Variants in RSU1 observed in about 807,000 individuals in gnomAD.
RSU1 encodes the protein rsu-1.
Under a neutral mutation model 31.1 loss-of-function variants are expected in RSU1, and 26 were observed. The observed-to-expected ratio is 0.84, with a 90% CI of 0.61 to 1.16. The LOEUF (loss-of-function observed/expected upper bound fraction) is 1.16. RSU1 is among the 50% of genes most tolerant of loss of function. The pLI is 0.00. For synonymous variants in RSU1, 164 were observed against 136.3 expected, an observed-to-expected ratio of 1.20 and a Z score of -1.41; for missense variants, 320 against 339.1, an observed-to-expected ratio of 0.94 and a Z score of 0.44.
At chr10:16,695,730 T>C (rs1564320709) in intron 7 of RSU1, among the ~76,000 whole-genome samples, 3 of 152,194 alleles carry the variant, frequency 2.0e-5, no homozygotes. Flanking sequence ...CCTCATTTCA[T>C]TCTCCAGCAA....
At chr10:16,797,288 G>C (rs1449089242) in intron 2 of RSU1, among the ~76,000 whole-genome samples, 2 of 152,204 alleles carry the variant, frequency 1.3e-5, no homozygotes, top group Non-Finnish European at 2.9e-5. Context: ...TAAAAAGAGA[G>C]AGAAAAAGAG....
intron 8 of RSU1, among the ~76,000 whole-genome samples, chr10:16,631,874 T>G (rs1160399130): frequency 6.6e-6 from 1 of 152,150 alleles, no homozygotes; most frequent in Non-Finnish European, 1.5e-5. Context: ...AATGTTGATT[T>G]CATCCATTTT....
At chr10:16,665,437 A>T (rs1234280427) in intron 8 of RSU1, among the ~76,000 whole-genome samples, 4 of 152,198 alleles carry the variant, frequency 2.6e-5, no homozygotes. Context: ...ACCCAAATAC[A>T]CTGTTAAATT....
At chr10:16,693,735 T>A (rs532675629) in intron 8 of RSU1, among the ~76,000 whole-genome samples, 49 of 152,098 alleles carry the variant, frequency 3.2e-4, no homozygotes, top group Admixed American at 1.5e-3. Context: ...GGTGGTGTGC[T>A]CCTGTAGTCC....
rs7900527 is a variant in RSU1 at position 16,815,993 on chromosome 10, C to T, written c.109+980G>A. Among the ~76,000 whole-genome samples, 6 of 152,204 alleles carry T rather than the reference C, an allele frequency of 3.9e-5. No individual in the cohort carries two copies. The South Asian group carries it at 1.0e-3, about 26-fold the overall frequency. ...AAGGTTGTGTTCAGATTCAGAAAGG[C>T]CTTGTACATCACGCCAAGAAACCTG... On this transcript the variant is annotated intron_variant, in intron 2 of 8. Coordinates refer to ENST00000345264, the MANE Select transcript of RSU1 (RefSeq NM_012425.4).
chr10:16,670,284 G>A (rs1351207179), intron 8 of RSU1, among the ~76,000 whole-genome samples: 1 of 152,212 alleles, frequency 6.6e-6, no homozygotes, highest in Non-Finnish European at 1.5e-5. Context: ...TGTTCACTGA[G>A]CTTGCTACAT....
chr10:16,740,761 G>A (rs1223354582), intron 7 of RSU1, among the ~76,000 whole-genome samples: 1 of 152,082 alleles, frequency 6.6e-6, no homozygotes, highest in Non-Finnish European at 1.5e-5. Context: ...TTTAGCAAAA[G>A]TATCAAAAAC....
At chr10:16,780,240 T>C (rs747628760) in intron 3 of RSU1, among the ~76,000 whole-genome samples, 5 of 152,186 alleles carry the variant, frequency 3.3e-5, no homozygotes, top group African/African-American at 7.2e-5. Flanking sequence ...CAATGAATGA[T>C]ATAATAGAAA....
chr10:16,765,339 C>G (rs1411527153), intron 3 of RSU1, among the ~76,000 whole-genome samples: 1 of 152,172 alleles, frequency 6.6e-6, no homozygotes, highest in East Asian at 1.9e-4. Flanking sequence ...CAGTAACACA[C>G]ACACACATAC....
intron 8 of RSU1, among the ~76,000 whole-genome samples, chr10:16,615,290 G>A (rs145355279): frequency 4.2e-4 from 64 of 151,946 alleles, no homozygotes; most frequent in African/African-American, 1.5e-3. Flanking sequence ...ACAAAGAAGG[G>A]CATTACATAA....
chr10:16,706,281 A>G (rs1405783244), intron 7 of RSU1, among the ~76,000 whole-genome samples: 1 of 152,196 alleles, frequency 6.6e-6, no homozygotes, highest in African/African-American at 2.4e-5. Flanking sequence ...TAAATTTTTT[A>G]TAGTAACCAC....
At chr10:16,655,055 TAAA>T (rs780658639) in intron 8 of RSU1, among the ~76,000 whole-genome samples, 1 of 103,766 alleles carries the variant, frequency 9.6e-6, no homozygotes, top group African/African-American at 3.5e-5. Context: ...CTTTGTCCCT[TAAA>T]AAAAAAAAAA....
chr10:16,610,320 T>C lies in RSU1; in HGVS notation c.732-16824A>G, dbSNP rs550378807. On this transcript the variant is annotated intron_variant, in intron 8 of 8. Transcript: ENST00000345264. The stretch of plus-strand genomic sequence containing the variant: ...AATATGGTGGAGTTGAGCCACCTTC[T>C]TGTACTTAGATGAAAGACATTTTAA... Among the ~76,000 whole-genome samples the C allele has an allele frequency of 2.0e-5, 3 of 152,326 alleles. No individual in the cohort carries two copies. In the South Asian group the frequency reaches 6.2e-4, roughly 32 times the overall value.
At chr10:16,726,833 T>G (rs539389184) in intron 7 of RSU1, among the ~76,000 whole-genome samples, 7 of 152,238 alleles carry the variant, frequency 4.6e-5, no homozygotes, top group African/African-American at 1.4e-4. Context: ...AAAATGGACC[T>G]CTTTATTTAC....
intron 2 of RSU1, 42 bp from the exon 3 acceptor site, chr10:16,782,126 A>G (rs1457372701): frequency 1.3e-6 from 2 of 1,508,110 alleles, no homozygotes. Context: ...CAGTAAATGT[A>G]TCACTGTATC....
chr10:16,764,269 T>TA, intron 4 of RSU1, 121 bp downstream of exon 4: 1 of 1,219,050 alleles, frequency 8.2e-7, no homozygotes, highest in Non-Finnish European at 1.1e-6. Flanking sequence ...ACCCAAAACA[T>TA]AAAAAGAAAT....
chr10:16,717,204 T>C (rs759724024), intron 7 of RSU1, among the ~76,000 whole-genome samples: 9 of 152,348 alleles, frequency 5.9e-5, no homozygotes, highest in Admixed American at 3.3e-4. Flanking sequence ...CTGGGGCTTA[T>C]ATTTTTATTA....
chr10:16,726,525 A>G (rs935897061), intron 7 of RSU1, among the ~76,000 whole-genome samples: 23 of 152,104 alleles, frequency 1.5e-4, no homozygotes, highest in Non-Finnish European at 2.8e-4. Flanking sequence ...TCGGCCTCCC[A>G]AAGTGCTGGG....
chr10:16,728,022 C>A (rs1349872882), intron 7 of RSU1, among the ~76,000 whole-genome samples: 1 of 152,228 alleles, frequency 6.6e-6, no homozygotes. Context: ...TCACTTAGGG[C>A]TCCCTGTCTT....
Sources: allele counts gnomAD v4.1 joint callset (sites outside exome capture counted in the v4.1 genomes callset), GRCh38; gene constraint gnomAD v4.1.1; transcripts MANE v1.5; gene names NCBI Gene and HGNC (gene_info 2026-07-23, HGNC 2026-07-21).